The following TBC1D4 variants were observed in gnomAD, a reference collection of about 807,000 sequenced individuals.
TBC1D4 encodes the protein TBC (Tre-2, BUB2, CDC16) domain-containing protein.
A neutral mutation model predicts 142.5 loss-of-function variants in TBC1D4; 121 were observed. The ratio of observed to expected loss-of-function variants is 0.85; its 90% confidence interval spans 0.73 to 0.99. The LOEUF is 0.99. Ranked by LOEUF, TBC1D4 falls within the 50% of genes least tolerant of loss-of-function variation. The pLI is 0.00. For synonymous variants in TBC1D4, 630 were observed against 628.2 expected (o/e 1.00, Z -0.04); for missense variants, 1,475 against 1,606.6 (o/e 0.92, Z 1.40).
chr13:75,314,778 C>A (rs138174893), intron 12 of TBC1D4, among the ~76,000 whole-genome samples: 1 of 149,570 alleles, frequency 6.7e-6, no homozygotes, highest in Non-Finnish European at 1.5e-5. Flanking sequence ...AGTAGCATGG[C>A]CAACATGGTG....
intron 14 of TBC1D4, 52 bp downstream of exon 14, chr13:75,309,890 A>C: frequency 6.3e-7 from 1 of 1,594,336 alleles, no homozygotes; most frequent in Non-Finnish European, 8.6e-7. Flanking sequence ...TAGGTTTAAC[A>C]TACACCCTTC....
intron 1 of TBC1D4, among the ~76,000 whole-genome samples, chr13:75,411,535 C>CT (rs200625310): frequency 9.2e-5 from 14 of 151,800 alleles, no homozygotes; most frequent in Admixed American, 3.3e-4. Context: ...CACAGAGCCT[C>CT]TTTTTTTTGA....
intron 4 of TBC1D4, among the ~76,000 whole-genome samples, chr13:75,350,191 G>C (rs913709523): frequency 3.3e-5 from 5 of 152,170 alleles, no homozygotes; most frequent in Non-Finnish European, 2.9e-5. Context: ...CAGAGACATT[G>C]AGCACTAAGG....
intron 1 of TBC1D4, among the ~76,000 whole-genome samples, chr13:75,383,190 G>A (rs570843335): frequency 1.3e-5 from 2 of 152,266 alleles, no homozygotes; most frequent in African/African-American, 4.8e-5. Flanking sequence ...GGGAGTGGTG[G>A]TGAGCACTTG....
chr13:75,381,411 AGGGGTAATAT>A (rs1883840161), intron 1 of TBC1D4, among the ~76,000 whole-genome samples: 1 of 152,218 alleles, frequency 6.6e-6, no homozygotes, highest in African/African-American at 2.4e-5. Flanking sequence ...ACAAATTGTA[AGGGGTAATAT>A]ATTTGCCTAT....
At chr13:75,408,673 T>G in intron 1 of TBC1D4, among the ~76,000 whole-genome samples, 1 of 152,194 alleles carries the variant, frequency 6.6e-6, no homozygotes, top group East Asian at 1.9e-4. Context: ...GCTGTACCAT[T>G]TTACATTCCC....
intron 1 of TBC1D4, among the ~76,000 whole-genome samples, chr13:75,466,810 G>A (rs1271920886): frequency 6.6e-6 from 1 of 151,904 alleles, no homozygotes; most frequent in Admixed American, 6.6e-5. Context: ...GTCGGAGGTT[G>A]CAGTGAGTCA....
chr13:75,354,125 G>A (rs147835492), intron 4 of TBC1D4, among the ~76,000 whole-genome samples: 2 of 152,158 alleles, frequency 1.3e-5, no homozygotes, highest in East Asian at 1.9e-4. Flanking sequence ...CTTGTAAGAC[G>A]AACGACATAT....
intron 4 of TBC1D4, among the ~76,000 whole-genome samples, chr13:75,350,201 G>A (rs2138119021): frequency 6.6e-6 from 1 of 152,122 alleles, no homozygotes; most frequent in South Asian, 2.1e-4. Context: ...GAGCACTAAG[G>A]GCCTCATCCG....
intron 1 of TBC1D4, chr13:75,375,766 A>ACCCCCCC (rs144419778): frequency 9.7e-6 from 1 of 103,326 alleles, no homozygotes; most frequent in African/African-American, 4.8e-5. Flanking sequence ...CTACTGCCCC[A>ACCCCCCC]CCCCCCCCAC....
intron 1 of TBC1D4, among the ~76,000 whole-genome samples, chr13:75,465,465 T>C (rs1411344338): frequency 6.6e-6 from 1 of 152,172 alleles, no homozygotes; most frequent in African/African-American, 2.4e-5. Flanking sequence ...AAAATCATAA[T>C]CCAGATCAAA....
intron 1 of TBC1D4, among the ~76,000 whole-genome samples, chr13:75,434,693 T>G (rs1290160536): frequency 6.6e-6 from 1 of 151,996 alleles, no homozygotes; most frequent in African/African-American, 2.4e-5. Flanking sequence ...AAAATGTTTT[T>G]ATATAAGATG....
intron 1 of TBC1D4, among the ~76,000 whole-genome samples, chr13:75,443,002 A>T (rs935369089): frequency 1.3e-5 from 2 of 152,186 alleles, no homozygotes; most frequent in African/African-American, 4.8e-5. Context: ...TGCTCTGTTT[A>T]TTTTATGAAG....
At chr13:75,441,576 G>C (rs1887042473) in intron 1 of TBC1D4, among the ~76,000 whole-genome samples, 1 of 151,942 alleles carries the variant, frequency 6.6e-6, no homozygotes, top group South Asian at 2.1e-4. Context: ...GATTACTTTT[G>C]AAATCTAAAA....
At chr13:75,410,110 C>G (rs191921063) in intron 1 of TBC1D4, among the ~76,000 whole-genome samples, 2 of 152,248 alleles carry the variant, frequency 1.3e-5, no homozygotes, top group Admixed American at 1.3e-4. Context: ...TTTAAATAAG[C>G]TAATGTACGT....
At chr13:75,354,137 T>G (rs1881843903) in intron 4 of TBC1D4, among the ~76,000 whole-genome samples, 1 of 152,186 alleles carries the variant, frequency 6.6e-6, no homozygotes, top group Non-Finnish European at 1.5e-5. Context: ...ACGACATATG[T>G]GAAGAAGGTC....
chr13:75,434,827 G>C (rs1886731305), intron 1 of TBC1D4, among the ~76,000 whole-genome samples: 1 of 151,430 alleles, frequency 6.6e-6, no homozygotes, highest in Non-Finnish European at 1.5e-5. Flanking sequence ...ACTAAGAAGA[G>C]GAAAGTTTAA....
intron 1 of TBC1D4, among the ~76,000 whole-genome samples, chr13:75,412,274 G>T (rs190215108): frequency 1.1e-4 from 17 of 151,706 alleles, no homozygotes; most frequent in African/African-American, 3.4e-4. Context: ...AAGACGTGGG[G>T]TTTTTTTTGT....
intron 1 of TBC1D4, among the ~76,000 whole-genome samples, chr13:75,480,663 A>C (rs1048955902): frequency 1.3e-5 from 2 of 152,240 alleles, no homozygotes; most frequent in Non-Finnish European, 2.9e-5. Flanking sequence ...ATCCAAATGT[A>C]GAATCCTTCT....
Sources: allele counts gnomAD v4.1 joint callset (sites outside exome capture counted in the v4.1 genomes callset), GRCh38; gene constraint gnomAD v4.1.1; transcripts MANE v1.5; gene names NCBI Gene and HGNC (gene_info 2026-07-23, HGNC 2026-07-21).